Variants in CDK8 observed in about 807,000 individuals in gnomAD.
CDK8 encodes cyclin-dependent kinase 8.
Under a neutral mutation model 71.5 loss-of-function variants are expected in CDK8, and 29 were observed. The observed-to-expected ratio is 0.41, with a 90% CI of 0.30 to 0.55. The LOEUF (loss-of-function observed/expected upper bound fraction) is 0.55, where lower values mean the gene tolerates loss of function less well. Among genes scored for constraint, CDK8 ranks in the 20% least tolerant of loss-of-function variants. CDK8 has a pLI of 0.37. For synonymous variants in CDK8, 161 were observed against 192.1 expected, an observed-to-expected ratio of 0.84 and a Z score of 1.34; for missense variants, 288 against 572.6, an observed-to-expected ratio of 0.50 and a Z score of 5.07.
intron 1 of CDK8, among the ~76,000 whole-genome samples, chr13:26,268,308 C>CAG (rs1555326216): frequency 1.6e-4 from 16 of 99,838 alleles, no homozygotes; most frequent in Middle Eastern, 7.2e-3. Flanking sequence ...CACACACACA[C>CAG]AGTCCTGTGT....
intron 1 of CDK8, among the ~76,000 whole-genome samples, chr13:26,256,121 G>A (rs1209666584): frequency 1.3e-5 from 2 of 152,280 alleles, no homozygotes; most frequent in East Asian, 1.9e-4. Flanking sequence ...ATCGGCAGAA[G>A]GTAGGGATTT....
intron 6 of CDK8, among the ~76,000 whole-genome samples, chr13:26,392,612 C>T (rs1875803511): frequency 6.6e-6 from 1 of 152,126 alleles, no homozygotes; most frequent in Admixed American, 6.5e-5. Context: ...AGGCATGAGC[C>T]ACCACACCCG....
At chr13:26,363,115 A>G (rs1874223108) in intron 4 of CDK8, among the ~76,000 whole-genome samples, 1 of 150,170 alleles carries the variant, frequency 6.7e-6, no homozygotes, top group African/African-American at 2.5e-5. Context: ...AGGTCAAGAG[A>G]TCGAGACCAT....
At position 26,254,273 on chromosome 13, in the gene CDK8, C is replaced by T. The variant is rs185277829; in HGVS notation, c.-369C>T. The T allele has an allele frequency of 8.8e-3, 2,439 of 277,914 alleles. 15 individuals carry two copies. Among genetic ancestry groups the T allele is most frequent in the Non-Finnish European group, 0.012 (1,744 of 145,588 alleles). The allele number at this position is 277,914 out of a possible 1,614,324, so 17.2% of individuals were successfully genotyped here. On this transcript the variant is annotated 5_prime_UTR_variant, in exon 1 of 13. Coordinates refer to ENST00000381527, the MANE Select transcript of CDK8 (RefSeq NM_001260.3). This position sits in a 1 kb window ranked among gnomAD's most constrained non-coding sequence, Gnocchi z 6.7. ...ACGAGAGCCCGCCTGGCCGCCCCGCCGCTCCCGCCGCAGCAGGAGCAGAAC... is the reference window on the plus strand; with the variant it reads ...ACGAGAGCCCGCCTGGCCGCCCCGCTGCTCCCGCCGCAGCAGGAGCAGAAC...
chr13:26,325,006 A>G (rs1452386612), intron 1 of CDK8, among the ~76,000 whole-genome samples: 2 of 152,188 alleles, frequency 1.3e-5, no homozygotes, highest in Non-Finnish European at 2.9e-5. Flanking sequence ...CTTGAATTTC[A>G]TGAGATAATG....
chr13:26,333,675 G>T (rs952189026), intron 1 of CDK8, among the ~76,000 whole-genome samples: 1 of 151,976 alleles, frequency 6.6e-6, no homozygotes, highest in Non-Finnish European at 1.5e-5. Flanking sequence ...ATGTGTATAT[G>T]GTGTATATGA....
intron 1 of CDK8, among the ~76,000 whole-genome samples, chr13:26,319,110 C>T (rs1458750161): frequency 1.3e-5 from 2 of 152,076 alleles, no homozygotes; most frequent in Non-Finnish European, 2.9e-5. Context: ...AGTTGCATTT[C>T]CGTACACTAA....
chr13:26,298,826 A>G (rs562747778), intron 1 of CDK8, among the ~76,000 whole-genome samples: 1 of 152,300 alleles, frequency 6.6e-6, no homozygotes, highest in East Asian at 1.9e-4. Context: ...TAGTGTTAAT[A>G]GACTTGACTG....
intron 1 of CDK8, among the ~76,000 whole-genome samples, chr13:26,274,394 C>T (rs375445270): frequency 6.6e-6 from 1 of 151,436 alleles, no homozygotes; most frequent in East Asian, 1.9e-4. Context: ...TTCGGAATTA[C>T]CCAATCATAT....
chr13:26,281,357 C>T (rs898999473), intron 1 of CDK8, among the ~76,000 whole-genome samples: 3 of 152,192 alleles, frequency 2.0e-5, no homozygotes, highest in Non-Finnish European at 2.9e-5. Flanking sequence ...CTGGTAGCCC[C>T]ACGGGGTGGT....
intron 1 of CDK8, among the ~76,000 whole-genome samples, chr13:26,322,925 AT>A (rs1874846880): frequency 2.6e-5 from 4 of 151,880 alleles, no homozygotes; most frequent in Admixed American, 2.6e-4. Flanking sequence ...TCTCACGATA[AT>A]TTTTTTTCTA....
intron 1 of CDK8, among the ~76,000 whole-genome samples, chr13:26,307,292 A>G (rs899644875): frequency 6.6e-6 from 1 of 152,204 alleles, no homozygotes; most frequent in African/African-American, 2.4e-5. Context: ...GATTGGCTCT[A>G]CATAATCACC....
At chr13:26,296,442 G>A (rs1290457869) in intron 1 of CDK8, among the ~76,000 whole-genome samples, 2 of 152,154 alleles carry the variant, frequency 1.3e-5, no homozygotes, top group Non-Finnish European at 2.9e-5. Flanking sequence ...AGTAAAGAAG[G>A]TTGATGTGAA....
rs1041424861 is a variant in CDK8 at position 26,263,384 on chromosome 13, C to T, written c.128+8615C>T. On this transcript the variant is annotated intron_variant, in intron 1 of 12. Transcript: ENST00000381527. ...TCTCCTGGCCTCGTGATCCGCCTGC[C>T]TCAGCCTCCCAAGTGCTGGGATTAC... is the stretch of plus-strand genomic sequence containing the variant. Among the ~76,000 whole-genome samples the T allele has an allele frequency of 3.9e-5, 6 of 152,330 alleles. No homozygotes were observed. In the East Asian group the frequency reaches 1.2e-3, roughly 29 times the overall value.
At position 26,393,361 on chromosome 13, in the gene CDK8, T is replaced by A. The variant is rs775575000; in HGVS notation, c.647-6T>A. 1 of 1,512,092 alleles carries A rather than the reference T, an allele frequency of 6.6e-7. No individual in the cohort carries two copies. Among genetic ancestry groups the A allele is most frequent in the Non-Finnish European group, 8.9e-7 (1 of 1,125,740 alleles). The allele number at this position is 1,512,092 out of a possible 1,614,324, so 93.7% of individuals were successfully genotyped here. On this transcript the variant is annotated splice_region_variant and splice_polypyrimidine_tract_variant and intron_variant, in intron 6 of 12. Transcript: ENST00000381527. ...CTTTCTTTTTTTTTTTCTTTTTGTT[T>A]TAAAGATATTTGGGCTATAGGGTGT...
chr13:26,322,372 C>T (rs957246185), intron 1 of CDK8, among the ~76,000 whole-genome samples: 3 of 152,174 alleles, frequency 2.0e-5, no homozygotes, highest in African/African-American at 7.2e-5. Context: ...TGCTGATGCT[C>T]CCATTCATTC....
At chr13:26,287,279 G>C (rs1438821719) in intron 1 of CDK8, among the ~76,000 whole-genome samples, 1 of 152,188 alleles carries the variant, frequency 6.6e-6, no homozygotes, top group Non-Finnish European at 1.5e-5. Context: ...AGAAAATGTA[G>C]TGTCTATATG....
Position 26,270,798 on chromosome 13 carries a change from A to G in CDK8, c.128+16029A>G, listed in dbSNP as rs531015908. On this transcript the variant is annotated intron_variant, in intron 1 of 12. Coordinates refer to ENST00000381527, the MANE Select transcript of CDK8 (RefSeq NM_001260.3). Reference sequence around the variant, plus strand: ...GAATAATGCTGCTATGAACATGGGTATACAACTATCTGAGTCTCTGCTTTC... The same window carrying G: ...GAATAATGCTGCTATGAACATGGGTGTACAACTATCTGAGTCTCTGCTTTC... Among the ~76,000 whole-genome samples, 7 of 152,306 alleles carry G rather than the reference A, an allele frequency of 4.6e-5. No individual in the cohort carries two copies. In the South Asian group the frequency reaches 1.5e-3, roughly 32 times the overall value.
At chr13:26,317,840 C>G (rs941859159) in intron 1 of CDK8, among the ~76,000 whole-genome samples, 1 of 151,858 alleles carries the variant, frequency 6.6e-6, no homozygotes, top group Non-Finnish European at 1.5e-5. Context: ...CCTTAAAAAA[C>G]AAGAAAGATC....
Sources: gnomAD v4.1 joint callset for allele counts (sites outside exome capture counted in the v4.1 genomes callset) on GRCh38, gnomAD v4.1.1 for gene constraint, Gnocchi (gnomAD v3.1) non-coding constraint, MANE v1.5 for transcripts, NCBI Gene and HGNC (gene_info 2026-07-23, HGNC 2026-07-21) for gene names.